Variants in SPATA7 observed in about 807,000 individuals in gnomAD.
SPATA7 encodes the protein spermatogenesis-associated protein 7.
Under a neutral mutation model 51.8 loss-of-function variants are expected in SPATA7, and 43 were observed. That is an observed-to-expected ratio of 0.83 (90% CI 0.65 to 1.07). The LOEUF (loss-of-function observed/expected upper bound fraction) is 1.07, where lower values mean the gene tolerates loss of function less well. Ranked by LOEUF, SPATA7 falls within the 50% of genes least tolerant of loss-of-function variation. The pLI, the probability that SPATA7 is intolerant of heterozygous loss-of-function variation, is 0.00. For synonymous variants in SPATA7, 230 were observed against 252.8 expected, an observed-to-expected ratio of 0.91 and a Z score of 0.86; for missense variants, 683 against 701.3, an observed-to-expected ratio of 0.97 and a Z score of 0.30.
chr14:88,425,132 G>A (rs1057494929), intron 5 of SPATA7, among the ~76,000 whole-genome samples: 1 of 152,062 alleles, frequency 6.6e-6, no homozygotes, highest in Admixed American at 6.6e-5. Flanking sequence ...ACAAAATAGG[G>A]TAATAATTGT....
At chr14:88,394,025 A>G (rs2075815111) in intron 3 of SPATA7, among the ~76,000 whole-genome samples, 1 of 152,202 alleles carries the variant, frequency 6.6e-6, no homozygotes, top group African/African-American at 2.4e-5. Flanking sequence ...TGTACAGCCC[A>G]TGAACTAAGA....
chr14:88,413,935 G>A (rs962488800), intron 4 of SPATA7, among the ~76,000 whole-genome samples: 1 of 152,064 alleles, frequency 6.6e-6, no homozygotes, highest in Non-Finnish European at 1.5e-5. Flanking sequence ...TTTTTGATGT[G>A]CTGTTGGATT....
chr14:88,404,088 A>G (rs1282090942), intron 4 of SPATA7, among the ~76,000 whole-genome samples: 4 of 152,160 alleles, frequency 2.6e-5, no homozygotes, highest in Non-Finnish European at 5.9e-5. Flanking sequence ...ATAAACTTAA[A>G]TAGAATGGCC....
Position 88,391,386 on chromosome 14 carries a change from G to A in SPATA7, c.25G>A (p.Ala9Thr). Residue 9 changes from alanine to threonine, a missense_variant, in exon 2 of 12, where the codon GCA becomes ACA. By Grantham distance (58) the Ala-to-Thr change is moderately conservative. Transcript: ENST00000393545. Reference sequence around the variant, plus strand: ...TTTTTTTTTCTTGTTAAAAGTCAGAGCAACCTCTGTCCTTCCCAGATATGG... The same window carrying A: ...TTTTTTTTTCTTGTTAAAAGTCAGAACAACCTCTGTCCTTCCCAGATATGG... MDGSRRVRATSVLPRYGPP... is the reference protein window; with the variant it reads MDGSRRVRTTSVLPRYGPP... 1.2e-6 allele frequency: 2 copies of A among 1,612,204 alleles called. No individual in the cohort carries two copies. Among genetic ancestry groups the A allele is most frequent in the Non-Finnish European group, 1.7e-6 (2 of 1,179,088 alleles).
chr14:88,437,183 G>C (rs1204908828), intron 10 of SPATA7, among the ~76,000 whole-genome samples: 1 of 151,260 alleles, frequency 6.6e-6, no homozygotes, highest in Admixed American at 6.6e-5. Flanking sequence ...CTCTGTAAGA[G>C]GTTTTTCTTT....
downstream of SPATA7, among the ~76,000 whole-genome samples, chr14:88,440,129 A>G (rs1004523092): frequency 1.3e-5 from 2 of 151,670 alleles, no homozygotes; most frequent in African/African-American, 4.8e-5. Flanking sequence ...CCCTCTTCCC[A>G]TTCCCCATGT....
intron 4 of SPATA7, among the ~76,000 whole-genome samples, chr14:88,463,734 C>A (rs995435105): frequency 2.0e-5 from 3 of 152,194 alleles, no homozygotes; most frequent in African/African-American, 7.2e-5. Context: ...ACCCAGAAAA[C>A]TATGCCACCA....
chr14:88,416,673 T>G (rs556939845), intron 4 of SPATA7, 38 bp from the exon 5 acceptor site: 3 of 1,608,708 alleles, frequency 1.9e-6, no homozygotes, highest in East Asian at 2.2e-5. Context: ...AATTTTCTAT[T>G]TTGTTCCATA....
At chr14:88,463,714 T>G (rs1249993896) in intron 4 of SPATA7, among the ~76,000 whole-genome samples, 2 of 152,178 alleles carry the variant, frequency 1.3e-5, no homozygotes, top group South Asian at 2.1e-4. Flanking sequence ...ATTTGGGAAC[T>G]ACCTGAAATA....
chr14:88,414,996 G>T (rs1323323234), intron 4 of SPATA7, among the ~76,000 whole-genome samples: 2 of 152,160 alleles, frequency 1.3e-5, no homozygotes, highest in African/African-American at 4.8e-5. Context: ...CTTAGAGTAT[G>T]TTCCACATGC....
chr14:88,445,080 T>A (rs1411949843), intron 3 of SPATA7, among the ~76,000 whole-genome samples: 1 of 152,058 alleles, frequency 6.6e-6, no homozygotes, highest in Non-Finnish European at 1.5e-5. Flanking sequence ...TTGGGCAGTA[T>A]GGCCATTTTC....
At chr14:88,434,437 A>G (rs1029219759) in intron 10 of SPATA7, among the ~76,000 whole-genome samples, 2 of 152,244 alleles carry the variant, frequency 1.3e-5, no homozygotes, top group South Asian at 2.1e-4. Context: ...CAGTAATCCC[A>G]GCACTTTGGG....
chr14:88,463,766 A>G (rs1478985683), intron 4 of SPATA7, among the ~76,000 whole-genome samples: 2 of 152,194 alleles, frequency 1.3e-5, no homozygotes, highest in Non-Finnish European at 2.9e-5. Context: ...CAAGGACTTC[A>G]AATGTTTTCT....
At chr14:88,425,364 A>C (rs1374105932) in intron 5 of SPATA7, among the ~76,000 whole-genome samples, 1 of 152,170 alleles carries the variant, frequency 6.6e-6, no homozygotes, top group East Asian at 1.9e-4. Context: ...ATGAGGTAAT[A>C]AGACAGATAT....
chr14:88,416,711 A>T lies in SPATA7; in HGVS notation c.239A>T (p.Tyr80Phe), dbSNP rs1566769922. ...TTGAAAGATTTGTTTTCCCTTTTAG[A>T]TGCAGACCAACAACGAAGAGAGAAA... ...VPVSVSTSIK[Y>F]ADQQRREKLK... The change falls in exon 5 of 12, where the codon TAT becomes TTT. Residue 80 changes from tyrosine to phenylalanine, a missense_variant and splice_region_variant. Coordinates refer to ENST00000393545, the MANE Select transcript of SPATA7 (RefSeq NM_018418.5). 1 of 1,613,112 alleles carries T rather than the reference A, an allele frequency of 6.2e-7. No homozygotes were observed. The highest frequency in any genetic ancestry group is 1.1e-5 in the South Asian group (1 of 90,802).
Position 88,396,346 on chromosome 14 carries a change from C to T in SPATA7, c.238+143C>T, listed in dbSNP as rs555961038. The T allele has an allele frequency of 1.8e-5, 12 of 650,600 alleles. No homozygotes were observed. In the East Asian group the frequency reaches 2.8e-4, roughly 15 times the overall value. The allele number at this position is 650,600 out of a possible 1,614,324, so 40.3% of individuals were successfully genotyped here. A position where few individuals can be genotyped will look rare whatever the true frequency, so the allele number is the denominator to read the frequency against. ...TATTGTGGTACAATGATAACTACTACCTCCAGAACTCTCTTTATACTGCAA... is the reference window on the plus strand; with the variant it reads ...TATTGTGGTACAATGATAACTACTATCTCCAGAACTCTCTTTATACTGCAA... On this transcript the variant is annotated intron_variant, in intron 4 of 11. Transcript: ENST00000393545.
intron 5 of SPATA7, among the ~76,000 whole-genome samples, chr14:88,421,506 A>T (rs2076640881): frequency 6.6e-6 from 1 of 152,174 alleles, no homozygotes; most frequent in Admixed American, 6.5e-5. Context: ...TTAGTTGGGA[A>T]GTTATGTCAT....
At chr14:88,398,436 A>G (rs2075959429) in intron 4 of SPATA7, among the ~76,000 whole-genome samples, 1 of 139,226 alleles carries the variant, frequency 7.2e-6, no homozygotes, top group African/African-American at 2.7e-5. Context: ...CAATGAGATC[A>G]CATGGACACA....
At chr14:88,436,701 A>G (rs1283497419) in intron 10 of SPATA7, among the ~76,000 whole-genome samples, 2 of 151,962 alleles carry the variant, frequency 1.3e-5, no homozygotes, top group Non-Finnish European at 2.9e-5. Context: ...CAGTGTATGT[A>G]TGTTCTTGGC....
Sources: gnomAD v4.1 joint callset for allele counts (sites outside exome capture counted in the v4.1 genomes callset) on GRCh38, gnomAD v4.1.1 for gene constraint, MANE v1.5 for transcripts, NCBI Gene and HGNC (gene_info 2026-07-23, HGNC 2026-07-21) for gene names.